Variants in MAGI2 observed in about 807,000 individuals in gnomAD.
MAGI2 encodes membrane-associated guanylate kinase, WW and PDZ domain-containing protein 2.
In MAGI2, 35 loss-of-function variants were observed where a neutral mutation model predicts 133.3. The observed-to-expected ratio is 0.26, with a 90% CI of 0.20 to 0.35. The LOEUF is 0.35. MAGI2 is among the 10% of genes least tolerant of loss of function. The pLI, the probability that MAGI2 is intolerant of heterozygous loss-of-function variation, is 1.00. For missense variants in MAGI2, 1,636 were observed against 1,863.4 expected (o/e 0.88, Z 2.25); for synonymous variants, 729 against 710.6 (o/e 1.03, Z -0.41).
intron 20 of MAGI2, among the ~76,000 whole-genome samples, chr7:78,111,877 A>G (rs1819398463): frequency 6.6e-6 from 1 of 152,232 alleles, no homozygotes; most frequent in South Asian, 2.1e-4. Context: ...AAGAGCTTTC[A>G]GGGTTGGCTG....
chr7:79,145,276 G>A (rs1822511697), intron 1 of MAGI2, among the ~76,000 whole-genome samples: 1 of 151,984 alleles, frequency 6.6e-6, no homozygotes, highest in Non-Finnish European at 1.5e-5. Context: ...TTCTTCCAAA[G>A]AGACTTTATT....
intron 2 of MAGI2, among the ~76,000 whole-genome samples, chr7:78,668,437 C>G (rs1295726147): frequency 6.6e-6 from 1 of 150,870 alleles, no homozygotes; most frequent in African/African-American, 2.4e-5. Context: ...GTTGCCATTG[C>G]TTTTGGTGTT....
At chr7:78,338,023 T>A (rs1309639475) in intron 9 of MAGI2, among the ~76,000 whole-genome samples, 1 of 152,232 alleles carries the variant, frequency 6.6e-6, no homozygotes, top group Non-Finnish European at 1.5e-5. Context: ...CAAACCTCTA[T>A]GCCAAATGGG....
chr7:78,193,279 C>T (rs1258726728), intron 12 of MAGI2, among the ~76,000 whole-genome samples: 1 of 152,206 alleles, frequency 6.6e-6, no homozygotes, highest in Non-Finnish European at 1.5e-5. Flanking sequence ...CAGGAGGAAG[C>T]ATCTCTTAAT....
chr7:78,207,373 C>T (rs565787898), intron 10 of MAGI2, among the ~76,000 whole-genome samples: 1 of 152,230 alleles, frequency 6.6e-6, no homozygotes, highest in South Asian at 2.1e-4. Context: ...AAAAAAGCCC[C>T]AGGGCTTTTA....
intron 10 of MAGI2, chr7:78,251,482 A>C (rs1483539226): frequency 3.9e-5 from 6 of 152,234 alleles, no homozygotes; most frequent in African/African-American, 1.4e-4. Context: ...TATATTATGG[A>C]GTCTACAAAA....
chr7:79,108,957 T>G (rs1472308297), intron 1 of MAGI2, among the ~76,000 whole-genome samples: 1 of 152,198 alleles, frequency 6.6e-6, no homozygotes, highest in African/African-American at 2.4e-5. Context: ...CTTTGCCTGC[T>G]GCTATGAGTA....
chr7:78,805,373 T>C (rs1318775487), intron 2 of MAGI2, among the ~76,000 whole-genome samples: 2 of 152,252 alleles, frequency 1.3e-5, no homozygotes, highest in East Asian at 3.9e-4. Flanking sequence ...CTTTGTTCTC[T>C]ACCCTTCCTG....
chr7:79,078,112 G>A (rs1815701428), intron 1 of MAGI2, among the ~76,000 whole-genome samples: 1 of 152,172 alleles, frequency 6.6e-6, no homozygotes, highest in African/African-American at 2.4e-5. Flanking sequence ...GAGGATGGGA[G>A]AACATAAATC....
chr7:79,170,646 A>G (rs955998628), intron 1 of MAGI2, among the ~76,000 whole-genome samples: 4 of 152,154 alleles, frequency 2.6e-5, no homozygotes, highest in Non-Finnish European at 5.9e-5. Context: ...GCCTAAAGTT[A>G]TAGCTATTTC....
Position 78,035,444 on chromosome 7 carries a change from C to G in MAGI2, c.3707-15468G>C, listed in dbSNP as rs148099465. Among the ~76,000 whole-genome samples the G allele has an allele frequency of 5.4e-4, 83 of 152,316 alleles. 1 individual carries two copies. The highest frequency in any genetic ancestry group is 1.8e-3 in the African/African-American group (74 of 41,576). ...GTGATGCCATAGCGGAGATTGGGAA[C>G]AGATTGAACAAGCAGGTTTGGACCT... is the stretch of plus-strand genomic sequence containing the variant. On this transcript the variant is annotated intron_variant, in intron 21 of 21. Coordinates refer to ENST00000354212, the MANE Select transcript of MAGI2 (RefSeq NM_012301.4).
chr7:79,107,926 TC>T (rs1190211378), intron 1 of MAGI2, among the ~76,000 whole-genome samples: 1 of 152,198 alleles, frequency 6.6e-6, no homozygotes, highest in Non-Finnish European at 1.5e-5. Context: ...AGATTCTAAT[TC>T]TATGGTTTAA....
intron 3 of MAGI2, among the ~76,000 whole-genome samples, chr7:78,566,591 A>G (rs1219487036): frequency 6.6e-6 from 1 of 151,866 alleles, no homozygotes; most frequent in African/African-American, 2.4e-5. Context: ...TCCTCCAGGT[A>G]CATACTCAGA....
chr7:79,177,251 TA>T (rs559248720), intron 1 of MAGI2: 19 of 151,826 alleles, frequency 1.3e-4, no homozygotes, highest in Non-Finnish European at 2.2e-4. Context: ...TATTTGCCTT[TA>T]AAAAAATCAC....
intron 6 of MAGI2, among the ~76,000 whole-genome samples, chr7:78,400,079 C>T (rs1351768253): frequency 6.6e-6 from 1 of 152,134 alleles, no homozygotes; most frequent in African/African-American, 2.4e-5. Context: ...TTGATTTGTG[C>T]AGTTTTCTGC....
chr7:78,148,020 C>T (rs1173412666), intron 16 of MAGI2, among the ~76,000 whole-genome samples: 1 of 152,046 alleles, frequency 6.6e-6, no homozygotes, highest in Non-Finnish European at 1.5e-5. Context: ...TATGAATCAG[C>T]AATCCTACAC....
At chr7:78,250,837 C>CA (rs1792309802) in intron 10 of MAGI2, among the ~76,000 whole-genome samples, 1 of 152,028 alleles carries the variant, frequency 6.6e-6, no homozygotes, top group African/African-American at 2.4e-5. Flanking sequence ...CAATCCTACA[C>CA]AAACTGTTTC....
intron 2 of MAGI2, among the ~76,000 whole-genome samples, chr7:78,663,348 A>G (rs1257586070): frequency 6.6e-6 from 1 of 151,888 alleles, no homozygotes; most frequent in Non-Finnish European, 1.5e-5. Flanking sequence ...CTGGGATTAT[A>G]GGCACGCGCT....
At chr7:78,452,249 A>G (rs903269763) in intron 6 of MAGI2, among the ~76,000 whole-genome samples, 2 of 152,058 alleles carry the variant, frequency 1.3e-5, no homozygotes, top group South Asian at 4.1e-4. Context: ...TAGCAGAATC[A>G]GTACATAAAT....
Sources: gnomAD v4.1 joint callset for allele counts (sites outside exome capture counted in the v4.1 genomes callset) on GRCh38, gnomAD v4.1.1 for gene constraint, MANE v1.5 for transcripts, NCBI Gene and HGNC (gene_info 2026-07-23, HGNC 2026-07-21) for gene names.